Variants in PAM observed in about 807,000 individuals in gnomAD.
PAM encodes peptidylglycine alpha-amidating monooxygenase, also known as peptidyl-glycine alpha-amidating monooxygenase.
Under a neutral mutation model 122.1 loss-of-function variants are expected in PAM, and 72 were observed. The ratio of observed to expected loss-of-function variants is 0.59; its 90% CI spans 0.49 to 0.72. The LOEUF is 0.72. Ranked by LOEUF, PAM falls within the 30% of genes least tolerant of loss-of-function variation. The probability of loss-of-function intolerance (pLI) is 0.00; values close to 1 mark genes in which losing one functional copy is unlikely to be tolerated. For synonymous variants in PAM, 389 were observed against 404.4 expected (o/e 0.96, Z 0.46); for missense variants, 1,106 against 1,183.7 (o/e 0.93, Z 0.96).
intron 5 of PAM, among the ~76,000 whole-genome samples, chr5:102,921,059 G>T (rs1488663296): frequency 6.6e-6 from 1 of 152,084 alleles, no homozygotes; most frequent in Non-Finnish European, 1.5e-5. Context: ...ATCCAGACTA[G>T]TTTTATTTTC....
intron 1 of PAM, among the ~76,000 whole-genome samples, chr5:102,806,982 T>A (rs1295645846): frequency 6.6e-6 from 1 of 152,240 alleles, no homozygotes; most frequent in Admixed American, 6.5e-5. Flanking sequence ...TAGCTTCATC[T>A]AAATTGAAAT....
chr5:102,801,996 T>G (rs1764886140), intron 1 of PAM, among the ~76,000 whole-genome samples: 1 of 150,790 alleles, frequency 6.6e-6, no homozygotes, highest in African/African-American at 2.4e-5. Context: ...GCCAGGATGG[T>G]CTCGATCTGA....
chr5:102,974,493 C>G, intron 15 of PAM, 57 bp downstream of exon 15: 1 of 1,130,558 alleles, frequency 8.8e-7, no homozygotes, highest in South Asian at 1.5e-5. Flanking sequence ...TCCACGTTAG[C>G]AAAACCTGAA....
In PAM at chr5:102,928,234, C is replaced by T. The variant is rs1750275337; in HGVS notation, c.526+1566C>T. Among the ~76,000 whole-genome samples, 3 of 152,190 alleles carry T rather than the reference C, an allele frequency of 2.0e-5. No homozygotes were observed. In the South Asian group the frequency reaches 6.2e-4, roughly 32 times the overall value. ...AATTCCCCTCAGCGTTGTAAGGACC[C>T]CTAACAGATACTGCATTGATACTCC... On this transcript the variant is annotated intron_variant, in intron 7 of 25. Coordinates refer to ENST00000438793, the MANE Select transcript of PAM (RefSeq NM_001177306.2).
At chr5:102,787,079 A>T (rs1054290072) in intron 1 of PAM, among the ~76,000 whole-genome samples, 2 of 152,160 alleles carry the variant, frequency 1.3e-5, no homozygotes, top group African/African-American at 4.8e-5. Context: ...AATTTCACTT[A>T]AAATCTCTTA....
At chr5:102,911,383 C>A (rs2151538374) in intron 4 of PAM, among the ~76,000 whole-genome samples, 1 of 151,968 alleles carries the variant, frequency 6.6e-6, no homozygotes, top group East Asian at 1.9e-4. Flanking sequence ...TTTTCTACCA[C>A]TTAAAGACAG....
rs1438784700 is a variant in PAM, at chr5:102,922,650, T to A, written c.357-2307T>A. Among the ~76,000 whole-genome samples, 3 of 152,238 alleles carry A rather than the reference T, an allele frequency of 2.0e-5. No individual in the cohort carries two copies. The East Asian group carries it at 5.8e-4, about 29-fold the overall frequency. On this transcript the variant is annotated intron_variant, in intron 5 of 25. Transcript: ENST00000438793. ...TTTCTCTGTTATATTTCAATCTGGT[T>A]CTTTCTAGTCATCCATTGAAAATCA...
At chr5:102,832,925 A>G (rs1442267928) in intron 1 of PAM, among the ~76,000 whole-genome samples, 2 of 152,186 alleles carry the variant, frequency 1.3e-5, no homozygotes, top group African/African-American at 4.8e-5. Flanking sequence ...GAAACAATTA[A>G]AATCAAGACT....
chr5:102,857,513 A>G (rs1157575687), intron 1 of PAM, among the ~76,000 whole-genome samples: 2 of 152,234 alleles, frequency 1.3e-5, no homozygotes, highest in East Asian at 3.8e-4. Context: ...TCGATTTGTT[A>G]CCTACTGAAT....
intron 4 of PAM, among the ~76,000 whole-genome samples, chr5:102,913,378 C>T (rs1802033787): frequency 6.6e-6 from 1 of 151,796 alleles, no homozygotes; most frequent in Non-Finnish European, 1.5e-5. Context: ...AATTTTATGT[C>T]TTTCGTATTT....
At chr5:102,977,478 T>C (rs946116951) in intron 15 of PAM, among the ~76,000 whole-genome samples, 1 of 152,148 alleles carries the variant, frequency 6.6e-6, no homozygotes, top group African/African-American at 2.4e-5. Context: ...AGGTTTTATC[T>C]TCATGACTTT....
intron 1 of PAM, among the ~76,000 whole-genome samples, chr5:102,799,786 T>A (rs906783737): frequency 3.3e-5 from 5 of 152,190 alleles, no homozygotes; most frequent in African/African-American, 1.2e-4. Context: ...GCATTGAACA[T>A]GAAATATATT....
intron 1 of PAM, among the ~76,000 whole-genome samples, chr5:102,768,935 A>G (rs1355389391): frequency 2.0e-5 from 3 of 152,184 alleles, no homozygotes; most frequent in Admixed American, 6.5e-5. Context: ...AAACTTCTCC[A>G]TAGTGGTTGA....
intron 1 of PAM, among the ~76,000 whole-genome samples, chr5:102,765,285 A>T (rs552668058): frequency 6.6e-6 from 1 of 152,348 alleles, no homozygotes; most frequent in South Asian, 2.1e-4. Context: ...AAAACAGTCA[A>T]CGTTCAGGTT....
intron 1 of PAM, among the ~76,000 whole-genome samples, chr5:102,784,173 G>A (rs554935583): frequency 6.6e-6 from 1 of 151,624 alleles, no homozygotes; most frequent in South Asian, 2.1e-4. Context: ...GATTACAGGC[G>A]TGAGCCACCG....
rs113395985 is a variant in PAM, at chr5:102,901,851, A to AGAGGGAGG, written c.268+439_268+446dup. 2.5e-3 allele frequency among the ~76,000 whole-genome samples: 382 copies of AGAGGGAGG among 151,576 alleles called. 3 individuals carry two copies. Among genetic ancestry groups the AGAGGGAGG allele is most frequent in the African/African-American group, 8.6e-3 (355 of 41,464 alleles). On this transcript the variant is annotated intron_variant, in intron 4 of 25. Transcript: ENST00000438793. ...GATGGATAGAAAGGAAGGGAAGGAGAGAGGGAGGAAGGGATGAGAAGGGAA... is the reference window on the plus strand; with the variant it reads ...GATGGATAGAAAGGAAGGGAAGGAGAGAGGGAGGGAGGGAGGAAGGGATGAGAAGGGAA...
intron 1 of PAM, among the ~76,000 whole-genome samples, chr5:102,828,280 G>T (rs1350434818): frequency 2.0e-5 from 3 of 152,044 alleles, no homozygotes; most frequent in African/African-American, 7.2e-5. Flanking sequence ...CTAGAAGGCG[G>T]AGGTTGCAAT....
intron 1 of PAM, among the ~76,000 whole-genome samples, chr5:102,789,482 T>G (rs142714461): frequency 1.8e-3 from 268 of 152,244 alleles, no homozygotes; most frequent in African/African-American, 6.3e-3. Context: ...TTCTGACACG[T>G]GCTACAACAT....
intron 5 of PAM, among the ~76,000 whole-genome samples, chr5:102,924,732 A>G (rs1243674252): frequency 2.0e-5 from 3 of 151,070 alleles, no homozygotes; most frequent in African/African-American, 7.4e-5. Context: ...ATTGTTTCAT[A>G]TCAGGCAAAA....
Sources: allele counts gnomAD v4.1 joint callset (sites outside exome capture counted in the v4.1 genomes callset), GRCh38; gene constraint gnomAD v4.1.1; transcripts MANE v1.5; gene names NCBI Gene and HGNC (gene_info 2026-07-23, HGNC 2026-07-21).